Variants in PTPRD observed in about 807,000 individuals in gnomAD.
The protein encoded by PTPRD is protein tyrosine phosphatase receptor type D.
Under a neutral mutation model 214.5 loss-of-function variants are expected in PTPRD, and 34 were observed. That is an observed-to-expected ratio of 0.16 (90% CI 0.12 to 0.21). The LOEUF (loss-of-function observed/expected upper bound fraction) is 0.21, where lower values mean the gene tolerates loss of function less well. PTPRD is among the 10% of genes least tolerant of loss of function. The probability of loss-of-function intolerance (pLI) is 1.00; values close to 1 mark genes in which losing one functional copy is unlikely to be tolerated. For missense variants in PTPRD, 2,545 were observed against 2,398.7 expected (o/e 1.06, Z -1.27); for synonymous variants, 1,128 against 845.7 (o/e 1.33, Z -5.79).
chr9:9,829,111 T>C (rs2053966102), intron 5 of PTPRD, among the ~76,000 whole-genome samples: 1 of 151,886 alleles, frequency 6.6e-6, no homozygotes, highest in South Asian at 2.1e-4. Flanking sequence ...TCTATGACTT[T>C]GCTATTTATA....
intron 3 of PTPRD, among the ~76,000 whole-genome samples, chr9:10,217,599 G>T (rs1441756794): frequency 1.3e-5 from 2 of 151,942 alleles, no homozygotes; most frequent in African/African-American, 4.8e-5. Context: ...GTTAGTACTT[G>T]AGATGAGCTT....
At chr9:9,383,142 T>C (rs964402840) in intron 9 of PTPRD, among the ~76,000 whole-genome samples, 2 of 152,072 alleles carry the variant, frequency 1.3e-5, no homozygotes, top group Non-Finnish European at 2.9e-5. Context: ...CCTACCATTT[T>C]TCTTTTGTGA....
At chr9:9,329,535 G>T (rs1392364865) in intron 9 of PTPRD, among the ~76,000 whole-genome samples, 1 of 152,064 alleles carries the variant, frequency 6.6e-6, no homozygotes, top group Non-Finnish European at 1.5e-5. Flanking sequence ...TCTCTGTCTG[G>T]ATATACAAAA....
intron 5 of PTPRD, among the ~76,000 whole-genome samples, chr9:9,790,612 T>A (rs1187207813): frequency 3.9e-5 from 6 of 152,344 alleles, no homozygotes; most frequent in African/African-American, 1.4e-4. Context: ...AATATAAGTT[T>A]TGATCAATTA....
At chr9:9,876,064 G>C (rs1195625082) in intron 5 of PTPRD, among the ~76,000 whole-genome samples, 1 of 152,090 alleles carries the variant, frequency 6.6e-6, no homozygotes, top group African/African-American at 2.4e-5. Context: ...ATAAAGGATA[G>C]TTGGAAGGAA....
At chr9:9,768,988 C>A (rs995928627) in intron 5 of PTPRD, among the ~76,000 whole-genome samples, 1 of 151,994 alleles carries the variant, frequency 6.6e-6, no homozygotes, top group African/African-American at 2.4e-5. Flanking sequence ...GGCACATACA[C>A]CCTAGGATGG....
At chr9:9,688,880 A>T (rs2097212565) in intron 7 of PTPRD, among the ~76,000 whole-genome samples, 1 of 151,732 alleles carries the variant, frequency 6.6e-6, no homozygotes, top group Non-Finnish European at 1.5e-5. Context: ...TTTTTAAATG[A>T]CTGATGATAT....
chr9:9,068,937 T>C (rs1174375422), intron 10 of PTPRD, among the ~76,000 whole-genome samples: 1 of 152,158 alleles, frequency 6.6e-6, no homozygotes, highest in African/African-American at 2.4e-5. Flanking sequence ...GGGAAAATAT[T>C]TGGACATCTG....
At chr9:9,126,494 A>G (rs1222999731) in intron 10 of PTPRD, among the ~76,000 whole-genome samples, 2 of 152,238 alleles carry the variant, frequency 1.3e-5, no homozygotes, top group Non-Finnish European at 2.9e-5. Flanking sequence ...AAACAAGATT[A>G]AAATTTCTAT....
In PTPRD at chr9:8,465,694, A is replaced by C; in HGVS notation, c.3505-19T>G. On this transcript the variant is annotated intron_variant, in intron 31 of 45. Transcript: ENST00000381196. The stretch of plus-strand genomic sequence containing the variant: ...TAAGCAGCTTAAGGAAAAAAGTGGG[A>C]AACAGAAAAAGAACTGTAAATAATA... 6.3e-7 allele frequency: 1 copy of C among 1,586,044 alleles called. No homozygotes were observed.
chr9:9,212,782 C>G (rs150926724), intron 9 of PTPRD, among the ~76,000 whole-genome samples: 120 of 152,186 alleles, frequency 7.9e-4, no homozygotes, highest in African/African-American at 2.8e-3. Context: ...TGGTGTGTCA[C>G]TCTTGTGTGA....
chr9:10,503,610 T>C (rs1013521716), intron 2 of PTPRD, among the ~76,000 whole-genome samples: 42 of 152,128 alleles, frequency 2.8e-4, no homozygotes, highest in Admixed American at 2.0e-4. Context: ...CTTTGGCAGG[T>C]ACTATTGGAT....
chr9:10,396,941 A>G (rs1300007700), intron 2 of PTPRD, among the ~76,000 whole-genome samples: 2 of 151,904 alleles, frequency 1.3e-5, no homozygotes, highest in Non-Finnish European at 2.9e-5. Flanking sequence ...CTCTTAATAC[A>G]TACAGTCAAA....
intron 11 of PTPRD, among the ~76,000 whole-genome samples, chr9:8,931,662 G>A (rs191603428): frequency 8.5e-5 from 13 of 152,138 alleles, no homozygotes; most frequent in African/African-American, 2.9e-4. Context: ...TACGTATCAC[G>A]ATGATGCATG....
chr9:9,274,337 A>G (rs1036189936), intron 9 of PTPRD, among the ~76,000 whole-genome samples: 1 of 151,524 alleles, frequency 6.6e-6, no homozygotes, highest in African/African-American at 2.4e-5. Flanking sequence ...AAACAAGTAC[A>G]GCATGCATTC....
chr9:10,235,258 T>C (rs2099625244), intron 3 of PTPRD, among the ~76,000 whole-genome samples: 1 of 151,980 alleles, frequency 6.6e-6, no homozygotes, highest in Non-Finnish European at 1.5e-5. Context: ...GTCTCTGAAT[T>C]TCCATAACCT....
intron 11 of PTPRD, among the ~76,000 whole-genome samples, chr9:8,986,918 T>C (rs999241776): frequency 2.0e-5 from 3 of 152,118 alleles, no homozygotes; most frequent in African/African-American, 7.2e-5. Context: ...TGTCTGTCTC[T>C]GAGGACTAAG....
intron 11 of PTPRD, chr9:8,963,094 G>T (rs2099167449): frequency 6.6e-6 from 1 of 152,076 alleles, no homozygotes; most frequent in Non-Finnish European, 1.5e-5. Context: ...CATTTACATG[G>T]TAGCCTTACT....
At chr9:9,497,030 G>A (rs1009102630) in intron 8 of PTPRD, among the ~76,000 whole-genome samples, 3 of 152,128 alleles carry the variant, frequency 2.0e-5, no homozygotes, top group Non-Finnish European at 4.4e-5. Flanking sequence ...ACTTATATGA[G>A]GTAGTTAAAG....
Sources: gnomAD v4.1 joint callset for allele counts (sites outside exome capture counted in the v4.1 genomes callset) on GRCh38, gnomAD v4.1.1 for gene constraint, MANE v1.5 for transcripts, NCBI Gene and HGNC (gene_info 2026-07-23, HGNC 2026-07-21) for gene names.